TTC29: variants seen among roughly 807,000 people sequenced by gnomAD.
TTC29 encodes tetratricopeptide repeat protein 29.
A neutral mutation model predicts 58.1 loss-of-function variants in TTC29; 49 were observed. That is an observed-to-expected ratio of 0.84 (90% CI 0.67 to 1.07). The LOEUF is 1.07. Ranked by LOEUF, TTC29 falls within the 50% of genes least tolerant of loss-of-function variation. The pLI, the probability that TTC29 is intolerant of heterozygous loss-of-function variation, is 0.00. For synonymous variants in TTC29, 209 were observed against 196.8 expected (o/e 1.06, Z -0.52); for missense variants, 582 against 555.6 (o/e 1.05, Z -0.48).
rs553138267 is a variant in TTC29, at chr4:146,784,800, G to A, written c.1330+18657C>T. Among the ~76,000 whole-genome samples, 4 of 152,260 alleles carry A rather than the reference G, an allele frequency of 2.6e-5. No homozygotes were observed. In the South Asian group the frequency reaches 8.3e-4, roughly 32 times the overall value. Reference sequence around the variant, plus strand: ...GACAATAGTACACTTCACCTTCTGTGAAATTAAGTTTCTTTATCTGAAAAA... The same window carrying A: ...GACAATAGTACACTTCACCTTCTGTAAAATTAAGTTTCTTTATCTGAAAAA... On this transcript the variant is annotated intron_variant, in intron 11 of 12. Transcript: ENST00000325106.
chr4:146,894,590 T>A (rs1020605739), intron 6 of TTC29, among the ~76,000 whole-genome samples: 2 of 151,316 alleles, frequency 1.3e-5, no homozygotes, highest in African/African-American at 4.9e-5. Context: ...AAATGACGAG[T>A]TAATGGGTGT....
At chr4:146,875,160 A>T (rs971007936) in intron 6 of TTC29, among the ~76,000 whole-genome samples, 1 of 152,168 alleles carries the variant, frequency 6.6e-6, no homozygotes, top group Non-Finnish European at 1.5e-5. Flanking sequence ...TGGCTAGTAG[A>T]AATTTACTGG....
In TTC29 at chr4:146,722,527, C is replaced by T. The variant is rs114258053; in HGVS notation, c.1331-14976G>A. 5.5e-3 allele frequency among the ~76,000 whole-genome samples: 838 copies of T among 152,062 alleles called. 5 individuals carry two copies. Among genetic ancestry groups the T allele is most frequent in the African/African-American group, 0.018 (748 of 41,470 alleles). On this transcript the variant is annotated intron_variant, in intron 11 of 12. Coordinates refer to ENST00000325106, the MANE Select transcript of TTC29 (RefSeq NM_031956.4). The stretch of plus-strand genomic sequence containing the variant: ...ACCTGAAAATAAAGCTGCACACCTA[C>T]GGCCACCTGATTTTTGACAAAGTCA...
chr4:146,838,841 C>T (rs576549092), intron 8 of TTC29, among the ~76,000 whole-genome samples: 2 of 152,074 alleles, frequency 1.3e-5, no homozygotes, highest in East Asian at 3.9e-4. Context: ...CTCTTATATA[C>T]CTTTATTTTA....
At chr4:146,792,576 ATGT>A (rs1749543125) in intron 11 of TTC29, among the ~76,000 whole-genome samples, 1 of 152,196 alleles carries the variant, frequency 6.6e-6, no homozygotes, top group South Asian at 2.1e-4. Context: ...ACAGAGATTA[ATGT>A]TGTTTTTATG....
At chr4:146,843,735 T>C (rs1488208863) in intron 8 of TTC29, among the ~76,000 whole-genome samples, 1 of 152,188 alleles carries the variant, frequency 6.6e-6, no homozygotes, top group Non-Finnish European at 1.5e-5. Flanking sequence ...TAATCAAACA[T>C]ATGTCCTAAT....
At chr4:146,856,960 G>A (rs1729898012) in intron 8 of TTC29, among the ~76,000 whole-genome samples, 1 of 151,722 alleles carries the variant, frequency 6.6e-6, no homozygotes. Flanking sequence ...AATTCCCCAA[G>A]TATTAAAACA....
At chr4:146,866,660 G>A (rs1474508321) in intron 8 of TTC29, among the ~76,000 whole-genome samples, 1 of 152,088 alleles carries the variant, frequency 6.6e-6, no homozygotes, top group African/African-American at 2.4e-5. Context: ...TTAAGCATAA[G>A]AGTCATCTAG....
intron 8 of TTC29, among the ~76,000 whole-genome samples, chr4:146,847,013 A>T (rs1729216615): frequency 6.6e-6 from 1 of 152,204 alleles, no homozygotes; most frequent in Admixed American, 6.5e-5. Flanking sequence ...ATGTTCCTTT[A>T]AAATAAAACA....
chr4:146,870,735 A>C (rs1730877546), intron 7 of TTC29, among the ~76,000 whole-genome samples: 1 of 151,922 alleles, frequency 6.6e-6, no homozygotes, highest in Non-Finnish European at 1.5e-5. Context: ...AAGTTAGATA[A>C]AGTAGATGAA....
chr4:146,847,245 G>C (rs1020975814), intron 8 of TTC29, among the ~76,000 whole-genome samples: 1 of 152,100 alleles, frequency 6.6e-6, no homozygotes, highest in Non-Finnish European at 1.5e-5. Context: ...TAGGGGAAGC[G>C]GTGGCAATAG....
At chr4:146,740,722 T>A (rs560040412) in intron 11 of TTC29, among the ~76,000 whole-genome samples, 126 of 152,242 alleles carry the variant, frequency 8.3e-4, no homozygotes, top group Middle Eastern at 6.8e-3. Context: ...ATAATTTTTT[T>A]AAAATTTTTT....
At chr4:146,781,224 GA>G (rs1748575072) in intron 11 of TTC29, among the ~76,000 whole-genome samples, 1 of 151,916 alleles carries the variant, frequency 6.6e-6, no homozygotes, top group African/African-American at 2.4e-5. Context: ...TACATGAGTA[GA>G]ATAATCGCTG....
intron 9 of TTC29, among the ~76,000 whole-genome samples, chr4:146,833,213 A>G (rs1320670752): frequency 6.6e-6 from 1 of 152,254 alleles, no homozygotes; most frequent in African/African-American, 2.4e-5. Flanking sequence ...ACTCTATAAC[A>G]ATCAAATGGA....
intron 8 of TTC29, among the ~76,000 whole-genome samples, chr4:146,844,594 T>G (rs1352228029): frequency 2.0e-5 from 3 of 152,156 alleles, no homozygotes; most frequent in Admixed American, 6.6e-5. Context: ...TTGCTTACGC[T>G]GGTCTTGAAC....
chr4:146,760,891 A>C (rs1746845570), intron 11 of TTC29, among the ~76,000 whole-genome samples: 1 of 149,892 alleles, frequency 6.7e-6, no homozygotes, highest in Admixed American at 6.7e-5. Flanking sequence ...ATGATGGAAT[A>C]CTACACAGCC....
intron 10 of TTC29, among the ~76,000 whole-genome samples, chr4:146,818,659 C>G (rs1015059121): frequency 6.6e-6 from 1 of 152,094 alleles, no homozygotes; most frequent in African/African-American, 2.4e-5. Context: ...GCAGTATTCA[C>G]AATAGCAAAG....
chr4:146,773,163 A>T (rs1747854139), intron 11 of TTC29, among the ~76,000 whole-genome samples: 1 of 152,100 alleles, frequency 6.6e-6, no homozygotes, highest in African/African-American at 2.4e-5. Flanking sequence ...TCTAGTCTGC[A>T]AACAGAGAGT....
intron 4 of TTC29, among the ~76,000 whole-genome samples, chr4:146,935,888 C>T (rs547477579): frequency 1.1e-4 from 17 of 152,312 alleles, no homozygotes; most frequent in Admixed American, 8.5e-4. Context: ...TTCTTCATGG[C>T]ACCTGCTGGG....
Sources: gnomAD v4.1 joint callset for allele counts (sites outside exome capture counted in the v4.1 genomes callset) on GRCh38, gnomAD v4.1.1 for gene constraint, MANE v1.5 for transcripts, NCBI Gene and HGNC (gene_info 2026-07-23, HGNC 2026-07-21) for gene names.